BTBD16: variants seen among roughly 807,000 people sequenced by gnomAD.
BTBD16 encodes the protein BTB domain containing 16.
A neutral mutation model predicts 67.4 loss-of-function variants in BTBD16; 66 were observed. That is an observed-to-expected ratio of 0.98 (90% CI 0.80 to 1.20). BTBD16 has a LOEUF of 1.20. Among genes scored for constraint, BTBD16 ranks in the 50% most tolerant of loss-of-function variants. BTBD16 has a pLI of 0.00. For missense variants in BTBD16, 634 were observed against 616.0 expected (o/e 1.03, Z -0.31); for synonymous variants, 242 against 236.4 (o/e 1.02, Z -0.22).
At chr10:122,294,890 C>T (rs1282525462) in intron 7 of BTBD16, among the ~76,000 whole-genome samples, 2 of 152,264 alleles carry the variant, frequency 1.3e-5, no homozygotes, top group Admixed American at 1.3e-4. Flanking sequence ...ACTCCAAGCC[C>T]AGCTAGTGCT....
intron 1 of BTBD16, among the ~76,000 whole-genome samples, chr10:122,273,251 CAT>C (rs2096333251): frequency 1.1e-4 from 13 of 113,346 alleles, no homozygotes; most frequent in Non-Finnish European, 1.5e-4. Flanking sequence ...TATATACACA[CAT>C]ACATACATAT....
chr10:122,321,385 T>A (rs916194580), intron 10 of BTBD16, among the ~76,000 whole-genome samples: 3 of 152,224 alleles, frequency 2.0e-5, no homozygotes, highest in African/African-American at 7.2e-5. Context: ...ATGGGCTTGT[T>A]GGGTCAAATG....
chr10:122,328,851 C>T (rs1188697246), intron 10 of BTBD16: 3 of 984,376 alleles, frequency 3.0e-6, no homozygotes, highest in African/African-American at 1.7e-5. Context: ...ACTTCAGCTC[C>T]GTGAGGAAGT....
At chr10:122,305,315 T>TGC (rs1564990554) in intron 9 of BTBD16, among the ~76,000 whole-genome samples, 14 of 151,784 alleles carry the variant, frequency 9.2e-5, no homozygotes, top group African/African-American at 2.2e-4. Flanking sequence ...AAATCTCACA[T>TGC]TGAATTGTAA....
chr10:122,299,780 A>G (rs1401054128), intron 9 of BTBD16, among the ~76,000 whole-genome samples: 1 of 152,114 alleles, frequency 6.6e-6, no homozygotes, highest in Non-Finnish European at 1.5e-5. Context: ...GCCCCAGCCC[A>G]AGATCGGAGG....
intron 2 of BTBD16, among the ~76,000 whole-genome samples, chr10:122,275,487 CGTT>C (rs1301193794): frequency 1.3e-5 from 2 of 152,180 alleles, no homozygotes; most frequent in Admixed American, 6.5e-5. Flanking sequence ...TCCTCACTGT[CGTT>C]GTCACGATAA....
At chr10:122,295,534 T>G (rs1426459942) in intron 7 of BTBD16, 2 of 984,942 alleles carry the variant, frequency 2.0e-6, no homozygotes, top group Admixed American at 6.2e-5. Context: ...GTGTGAAGGA[T>G]GTGGTATAAA....
At chr10:122,294,567 C>T (rs1221042816) in intron 7 of BTBD16, among the ~76,000 whole-genome samples, 1 of 152,250 alleles carries the variant, frequency 6.6e-6, no homozygotes, top group East Asian at 1.9e-4. Context: ...CACACGCTCA[C>T]ACACATACAC....
chr10:122,272,573 T>C (rs893766141), intron 1 of BTBD16, among the ~76,000 whole-genome samples: 1 of 152,130 alleles, frequency 6.6e-6, no homozygotes, highest in Non-Finnish European at 1.5e-5. Context: ...ACTCCTGACC[T>C]CAGGTGATCC....
chr10:122,272,808 G>A (rs2142036613), intron 1 of BTBD16, among the ~76,000 whole-genome samples: 1 of 152,222 alleles, frequency 6.6e-6, no homozygotes, highest in Admixed American at 6.5e-5. Context: ...AAATGTTAGT[G>A]TCCCCAGTAC....
chr10:122,334,769 G>T (rs974114640), intron 13 of BTBD16, 112 bp from the exon 14 acceptor site: 2 of 625,594 alleles, frequency 3.2e-6, no homozygotes, highest in East Asian at 6.5e-5. Flanking sequence ...TGATCTGCCC[G>T]CCTCAGCCTC....
chr10:122,298,282 GC>G (rs1482933462), intron 8 of BTBD16, among the ~76,000 whole-genome samples: 1 of 152,192 alleles, frequency 6.6e-6, no homozygotes, highest in Non-Finnish European at 1.5e-5. Flanking sequence ...CAAAGCCCAG[GC>G]CTCCTGACTT....
chr10:122,332,341 G>GC (rs869095699), intron 12 of BTBD16, 95 bp from the exon 13 acceptor site: 6 of 1,045,024 alleles, frequency 5.7e-6, no homozygotes, highest in Non-Finnish European at 6.7e-6. Context: ...AACCTGGTGA[G>GC]GGGGGCAGGG....
intron 10 of BTBD16, among the ~76,000 whole-genome samples, chr10:122,317,544 G>C (rs193067201): frequency 1.2e-3 from 180 of 152,266 alleles, no homozygotes; most frequent in African/African-American, 4.0e-3. Context: ...CTACTTGGGA[G>C]GCTGAGGCAG....
At chr10:122,328,673 G>T in intron 10 of BTBD16, 1 of 795,832 alleles carries the variant, frequency 1.3e-6, no homozygotes. Flanking sequence ...TGCCTTGAGG[G>T]AGTGACTGCA....
intron 10 of BTBD16, among the ~76,000 whole-genome samples, chr10:122,317,173 A>G (rs902798183): frequency 7.2e-5 from 11 of 152,180 alleles, no homozygotes; most frequent in African/African-American, 2.7e-4. Flanking sequence ...GCTTACTACA[A>G]GTATTTACTT....
intron 3 of BTBD16, among the ~76,000 whole-genome samples, chr10:122,282,537 G>A (rs2096355246): frequency 6.6e-6 from 1 of 152,230 alleles, no homozygotes; most frequent in African/African-American, 2.4e-5. Flanking sequence ...ATGACACAGA[G>A]CAGCTGTGGT....
Position 122,329,585 on chromosome 10 carries a change from C to T in BTBD16, c.1003+14C>T. 1.2e-6 allele frequency: 2 copies of T among 1,610,786 alleles called. No homozygotes were observed. The highest frequency in any genetic ancestry group is 1.7e-6 in the Non-Finnish European group (2 of 1,178,556). On this transcript the variant is annotated intron_variant, in intron 11 of 15. Transcript: ENST00000260723. Reference sequence around the variant, plus strand: ...GCATCACCAAAGGTAAGCCCCAGTCCAGGCGAGCGCATCCACGGGAAAGCT... The same window carrying T: ...GCATCACCAAAGGTAAGCCCCAGTCTAGGCGAGCGCATCCACGGGAAAGCT...
intron 10 of BTBD16, among the ~76,000 whole-genome samples, chr10:122,311,231 A>G (rs931057259): frequency 2.6e-5 from 4 of 152,250 alleles, no homozygotes; most frequent in African/African-American, 9.6e-5. Context: ...AGATGTTTAG[A>G]AACAACTTCA....
Sources: allele counts gnomAD v4.1 joint callset (sites outside exome capture counted in the v4.1 genomes callset), GRCh38; gene constraint gnomAD v4.1.1; transcripts MANE v1.5; gene names NCBI Gene and HGNC (gene_info 2026-07-23, HGNC 2026-07-21).